The following CALN1 variants were observed in gnomAD, a reference collection of about 807,000 sequenced individuals.
CALN1 encodes calneuron 1, also known as calcium-binding protein 8.
A neutral mutation model predicts 30.6 loss-of-function variants in CALN1; 17 were observed. The observed-to-expected ratio is 0.56, with a 90% CI of 0.38 to 0.83. The LOEUF (loss-of-function observed/expected upper bound fraction) is 0.83. Ranked by LOEUF, CALN1 falls within the 40% of genes least tolerant of loss-of-function variation. The pLI, the probability that CALN1 is intolerant of heterozygous loss-of-function variation, is 0.00. For synonymous variants in CALN1, 156 were observed against 131.4 expected, an observed-to-expected ratio of 1.19 and a Z score of -1.28; for missense variants, 291 against 354.9, an observed-to-expected ratio of 0.82 and a Z score of 1.45.
At chr7:72,213,108 T>G (rs1412283747) in intron 3 of CALN1, among the ~76,000 whole-genome samples, 1 of 152,198 alleles carries the variant, frequency 6.6e-6, no homozygotes, top group East Asian at 1.9e-4. Flanking sequence ...CGTGGGTCCG[T>G]TCTGGCAGTA....
chr7:72,151,352 C>G (rs1362313019), intron 3 of CALN1, among the ~76,000 whole-genome samples: 2 of 152,104 alleles, frequency 1.3e-5, no homozygotes, highest in Non-Finnish European at 2.9e-5. Context: ...CTGTGTGTGT[C>G]TCTGTCCCAA....
rs76025212 is a variant in CALN1 at position 71,906,268 on chromosome 7, G to A, written c.502-95776C>T. On this transcript the variant is annotated intron_variant, in intron 5 of 6. Transcript: ENST00000395275. ...GACATTGTGGAATCTGGCAGCAGCC[G>A]GGCGGAACTTTCCATTTTCCAGGCT... Among the ~76,000 whole-genome samples, 720 of 152,150 alleles carry A rather than the reference G, an allele frequency of 4.7e-3. 3 individuals are homozygous for A. The highest frequency in any genetic ancestry group is 0.016 in the African/African-American group (660 of 41,516).
chr7:72,086,828 T>C (rs1409948674), intron 4 of CALN1, among the ~76,000 whole-genome samples: 1 of 152,186 alleles, frequency 6.6e-6, no homozygotes, highest in Non-Finnish European at 1.5e-5. Flanking sequence ...GAAGCTCAGC[T>C]AAAGAGAAGT....
intron 5 of CALN1, among the ~76,000 whole-genome samples, chr7:71,812,053 A>AT (rs200244292): frequency 0.033 from 5,006 of 152,242 alleles, 116 homozygotes; most frequent in Non-Finnish European, 0.047. Flanking sequence ...AGCTTTATGA[A>AT]TCATTGTGTG....
intron 5 of CALN1, among the ~76,000 whole-genome samples, chr7:71,961,794 A>G (rs1047238634): frequency 7.2e-5 from 11 of 152,116 alleles, no homozygotes; most frequent in Non-Finnish European, 1.3e-4. Context: ...GAGAGAGGGC[A>G]GGGTCCTCCT....
chr7:72,335,806 C>T (rs990723274), intron 2 of CALN1, among the ~76,000 whole-genome samples: 16 of 152,248 alleles, frequency 1.1e-4, no homozygotes, highest in African/African-American at 3.9e-4. Flanking sequence ...AGACGCAAGC[C>T]GATCCCCTCG....
Position 72,149,531 on chromosome 7 carries a change from T to C in CALN1, c.245-43237A>G, listed in dbSNP as rs543197984. Among the ~76,000 whole-genome samples the C allele has an allele frequency of 2.6e-5, 4 of 152,178 alleles. No homozygotes were observed. In the South Asian group the frequency reaches 8.3e-4, roughly 32 times the overall value. ...TCTATAAATTACCCAGCCTCAGATA[T>C]TTCTTTATAGCAACACAAAAACAGA... On this transcript the variant is annotated intron_variant, in intron 3 of 6. Coordinates refer to ENST00000395275, the MANE Select transcript of CALN1 (RefSeq NM_031468.4).
intron 5 of CALN1, among the ~76,000 whole-genome samples, chr7:71,985,473 A>T (rs903752955): frequency 6.6e-6 from 1 of 152,014 alleles, no homozygotes; most frequent in Non-Finnish European, 1.5e-5. Context: ...GCAAGACCCC[A>T]TCTCTACTTT....
intron 1 of CALN1, among the ~76,000 whole-genome samples, chr7:72,405,480 G>C (rs908350400): frequency 2.0e-5 from 3 of 152,070 alleles, no homozygotes; most frequent in Non-Finnish European, 4.4e-5. Context: ...ATATGCCCAG[G>C]AGCACTCACC....
At chr7:71,816,384 T>A (rs1031193316) in intron 5 of CALN1, among the ~76,000 whole-genome samples, 1 of 152,052 alleles carries the variant, frequency 6.6e-6, no homozygotes, top group African/African-American at 2.4e-5. Flanking sequence ...GAGCAAGGTA[T>A]TGTTCATTTG....
At position 72,367,579 on chromosome 7, in the gene CALN1, T is replaced by G. The variant is rs184306853; in HGVS notation, c.119+35672A>C. On this transcript the variant is annotated intron_variant, in intron 2 of 6. Coordinates refer to ENST00000395275, the MANE Select transcript of CALN1 (RefSeq NM_031468.4). ...TTTCAAGGTTACAGAAGCCTATGAT[T>G]GCACTGCCACACTCCAGCCTGGATG... Among the ~76,000 whole-genome samples, 540 of 150,708 alleles carry G rather than the reference T, an allele frequency of 3.6e-3. 4 individuals carry two copies. The highest frequency in any genetic ancestry group is 0.017 in the Middle Eastern group (5 of 292).
chr7:72,084,198 G>C (rs1805334951), intron 4 of CALN1, among the ~76,000 whole-genome samples: 1 of 152,032 alleles, frequency 6.6e-6, no homozygotes. Flanking sequence ...AACAGAGTAA[G>C]ACTCCATCTC....
chr7:72,449,550 C>G (rs1357336002), upstream of CALN1, among the ~76,000 whole-genome samples: 3 of 152,092 alleles, frequency 2.0e-5, no homozygotes, highest in African/African-American at 7.2e-5. Context: ...CCCTCACCCC[C>G]ACTGGCCGGA....
At chr7:72,076,659 C>T (rs919915407) in intron 4 of CALN1, among the ~76,000 whole-genome samples, 3 of 110,888 alleles carry the variant, frequency 2.7e-5, no homozygotes, top group African/African-American at 9.6e-5. Flanking sequence ...CAAAGACATG[C>T]CCTCCTGCTG....
intron 3 of CALN1, among the ~76,000 whole-genome samples, chr7:72,220,572 T>A (rs1174562250): frequency 1.3e-5 from 2 of 152,192 alleles, no homozygotes; most frequent in African/African-American, 4.8e-5. Context: ...ATGGGATGGC[T>A]GGGTCAAATG....
chr7:72,345,290 G>A (rs1206391848), intron 2 of CALN1, among the ~76,000 whole-genome samples: 1 of 145,388 alleles, frequency 6.9e-6, no homozygotes. Context: ...AACTGCACAT[G>A]GTGAATGGTT....
intron 2 of CALN1, among the ~76,000 whole-genome samples, chr7:72,364,054 A>C (rs968995367): frequency 1.6e-5 from 2 of 122,760 alleles, no homozygotes; most frequent in African/African-American, 6.2e-5. Flanking sequence ...TTTTTAATTC[A>C]AAATTGCAGT....
At chr7:71,924,648 ACT>A (rs1795165663) in intron 5 of CALN1, among the ~76,000 whole-genome samples, 1 of 150,562 alleles carries the variant, frequency 6.6e-6, no homozygotes, top group South Asian at 2.1e-4. Flanking sequence ...TTTTTTTTTT[ACT>A]CTATCTGCCT....
intron 4 of CALN1, among the ~76,000 whole-genome samples, chr7:72,028,022 G>A (rs1253250607): frequency 1.5e-5 from 2 of 130,244 alleles, no homozygotes; most frequent in African/African-American, 5.5e-5. Context: ...TCGCGCCACT[G>A]CACTCCAGCC....
Sources: allele counts gnomAD v4.1 joint callset (sites outside exome capture counted in the v4.1 genomes callset), GRCh38; gene constraint gnomAD v4.1.1; transcripts MANE v1.5; gene names NCBI Gene and HGNC (gene_info 2026-07-23, HGNC 2026-07-21).